RNLS: variants seen among roughly 807,000 people sequenced by gnomAD.
The protein encoded by RNLS is renalase, FAD dependent amine oxidase, also known as renalase.
Under a neutral mutation model 39.8 loss-of-function variants are expected in RNLS, and 39 were observed. The observed-to-expected ratio is 0.98, with a 90% confidence interval of 0.76 to 1.28. The LOEUF is 1.28. Ranked by LOEUF, RNLS falls within the 50% of genes most tolerant of loss-of-function variation. The pLI is 0.00. For synonymous variants in RNLS, 147 were observed against 150.7 expected (o/e 0.98, Z 0.18); for missense variants, 410 against 413.3 (o/e 0.99, Z 0.07).
At chr10:88,374,355 G>A (rs1247596993) in intron 4 of RNLS, among the ~76,000 whole-genome samples, 1 of 151,898 alleles carries the variant, frequency 6.6e-6, no homozygotes, top group Non-Finnish European at 1.5e-5. Flanking sequence ...CCAGGTGTCT[G>A]TTATTAATTA....
the RNLS span, among the ~76,000 whole-genome samples, chr10:88,197,902 C>A: frequency 1.3e-5 from 2 of 152,214 alleles, no homozygotes; most frequent in South Asian, 4.1e-4. Context: ...CTGATCTTTA[C>A]TTCTAGACTC....
intron 4 of RNLS, among the ~76,000 whole-genome samples, chr10:88,465,070 T>C (rs1843127089): frequency 6.6e-6 from 1 of 152,098 alleles, no homozygotes; most frequent in Non-Finnish European, 1.5e-5. Flanking sequence ...GTTATGAAGA[T>C]TAGATGAGAT....
At position 88,492,814 on chromosome 10, in the gene RNLS, A is replaced by C. The variant is rs117645030; in HGVS notation, c.526+80089T>G. Among the ~76,000 whole-genome samples the C allele has an allele frequency of 7.6e-3, 1,164 of 152,166 alleles. 13 individuals are homozygous for C. The highest frequency in any genetic ancestry group is 0.062 in the East Asian group (323 of 5,186). ...TCTCATCATCCCCAAATATTTACTAAAGGACAATTTATGAAAGGTTCCTGA... is the reference window on the plus strand; with the variant it reads ...TCTCATCATCCCCAAATATTTACTACAGGACAATTTATGAAAGGTTCCTGA... On this transcript the variant is annotated intron_variant, in intron 4 of 6. Transcript: ENST00000331772.
chr10:88,515,743 A>G (rs986361395), intron 4 of RNLS, among the ~76,000 whole-genome samples: 18 of 152,088 alleles, frequency 1.2e-4, no homozygotes, highest in African/African-American at 4.3e-4. Context: ...AGTGTTTAAG[A>G]AAAAAGTAAG....
chr10:88,532,644 C>G (rs1347781521), intron 4 of RNLS, among the ~76,000 whole-genome samples: 2 of 151,958 alleles, frequency 1.3e-5, no homozygotes, highest in Admixed American at 6.6e-5. Flanking sequence ...TGTACTCAAA[C>G]AGTTAAACCA....
chr10:88,255,434 C>T, the RNLS span, among the ~76,000 whole-genome samples: 21 of 152,286 alleles, frequency 1.4e-4, no homozygotes, highest in East Asian at 5.8e-4. Context: ...AATAACACCA[C>T]ACATTAACAT....
the RNLS span, among the ~76,000 whole-genome samples, chr10:88,219,617 G>T: frequency 6.6e-6 from 1 of 152,090 alleles, no homozygotes; most frequent in South Asian, 2.1e-4. Flanking sequence ...TCATATGGTT[G>T]CTTTACCTGA....
At chr10:88,474,009 T>G (rs1224663593) in intron 4 of RNLS, among the ~76,000 whole-genome samples, 1 of 152,184 alleles carries the variant, frequency 6.6e-6, no homozygotes, top group African/African-American at 2.4e-5. Context: ...TTAGCATCCT[T>G]GTGAAAATCT....
In RNLS at chr10:88,560,991, T is replaced by C. The variant is rs551009401; in HGVS notation, c.526+11912A>G. ...ACACACACATACACACACAGACCCA[T>C]AATCCACTCTGCTACAACTCTCTAG... On this transcript the variant is annotated intron_variant, in intron 4 of 6. Transcript: ENST00000331772. 1.4e-3 allele frequency among the ~76,000 whole-genome samples: 212 copies of C among 150,858 alleles called. 1 individual carries two copies. The highest frequency in any genetic ancestry group is 4.9e-3 in the African/African-American group (203 of 41,026).
At chr10:88,274,923 C>A in exon 7 of RNLS, 3 of 1,519,774 alleles carry the variant, frequency 2.0e-6, no homozygotes, top group Admixed American at 1.7e-5. Context: ...AAAAAAAAAT[C>A]AAATAAAACC....
intron 4 of RNLS, among the ~76,000 whole-genome samples, chr10:88,565,557 T>A (rs980620004): frequency 1.3e-5 from 2 of 152,110 alleles, no homozygotes; most frequent in African/African-American, 4.8e-5. Flanking sequence ...CAATTCTGAA[T>A]TGAGTCAGCT....
intron 4 of RNLS, among the ~76,000 whole-genome samples, chr10:88,391,124 C>G (rs1227403160): frequency 6.6e-6 from 1 of 152,112 alleles, no homozygotes; most frequent in Non-Finnish European, 1.5e-5. Context: ...TTGTAACATC[C>G]CAATTCAAAG....
chr10:88,206,678 A>C, the RNLS span, among the ~76,000 whole-genome samples: 1 of 152,164 alleles, frequency 6.6e-6, no homozygotes, highest in Non-Finnish European at 1.5e-5. Flanking sequence ...GTAGATTGCT[A>C]ATACATCTTG....
At chr10:88,572,074 G>A (rs1016287169) in intron 4 of RNLS, among the ~76,000 whole-genome samples, 1 of 152,004 alleles carries the variant, frequency 6.6e-6, no homozygotes, top group East Asian at 1.9e-4. Context: ...AAAATCTTAG[G>A]TATCTACCTA....
At chr10:88,208,842 T>C in the RNLS span, among the ~76,000 whole-genome samples, 1 of 152,168 alleles carries the variant, frequency 6.6e-6, no homozygotes, top group Non-Finnish European at 1.5e-5. Flanking sequence ...TTCACTTTCA[T>C]TGTTATTATT....
At chr10:88,486,127 T>TC (rs1305875585) in intron 4 of RNLS, among the ~76,000 whole-genome samples, 1 of 152,068 alleles carries the variant, frequency 6.6e-6, no homozygotes, top group Non-Finnish European at 1.5e-5. Context: ...GGGAAAGGAC[T>TC]CCCTATTCAA....
At chr10:88,298,877 G>C (rs776850918) in intron 6 of RNLS, among the ~76,000 whole-genome samples, 1 of 152,142 alleles carries the variant, frequency 6.6e-6, no homozygotes, top group Non-Finnish European at 1.5e-5. Context: ...AATTTTGATA[G>C]AGCCTGAAAC....
chr10:88,508,229 T>C (rs2134140045), intron 4 of RNLS, among the ~76,000 whole-genome samples: 1 of 152,272 alleles, frequency 6.6e-6, no homozygotes, highest in South Asian at 2.1e-4. Flanking sequence ...AGAGGAACCA[T>C]AGCTTCGTGG....
At chr10:88,256,109 G>C in the RNLS span, among the ~76,000 whole-genome samples, 1 of 152,146 alleles carries the variant, frequency 6.6e-6, no homozygotes, top group Admixed American at 6.5e-5. Context: ...GATTGGATAG[G>C]AATACAATAA....
Sources: allele counts gnomAD v4.1 joint callset (sites outside exome capture counted in the v4.1 genomes callset), GRCh38; gene constraint gnomAD v4.1.1; transcripts MANE v1.5; gene names NCBI Gene and HGNC (gene_info 2026-07-23, HGNC 2026-07-21).